The following ARMH4 variants were observed in gnomAD, a reference collection of about 807,000 sequenced individuals.
ARMH4 encodes armadillo like helical domain containing 4, also known as armadillo-like helical domain-containing protein 4.
Under a neutral mutation model 61.9 loss-of-function variants are expected in ARMH4, and 49 were observed. That is an observed-to-expected ratio of 0.79 (90% CI 0.63 to 1.00). The LOEUF is 1.00. Among genes scored for constraint, ARMH4 ranks in the 50% least tolerant of loss-of-function variants. The pLI, the probability that ARMH4 is intolerant of heterozygous loss-of-function variation, is 0.00. For synonymous variants in ARMH4, 368 were observed against 341.5 expected, an observed-to-expected ratio of 1.08 and a Z score of -0.85; for missense variants, 934 against 930.0, an observed-to-expected ratio of 1.00 and a Z score of -0.06.
chr14:58,145,955 A>G (rs1235108135), intron 1 of ARMH4, among the ~76,000 whole-genome samples: 1 of 152,258 alleles, frequency 6.6e-6, no homozygotes, highest in African/African-American at 2.4e-5. Flanking sequence ...AAAGCCCAGT[A>G]TAGGTTCATG....
chr14:58,079,945 G>A (rs1255496990), intron 5 of ARMH4, among the ~76,000 whole-genome samples: 1 of 152,038 alleles, frequency 6.6e-6, no homozygotes, highest in African/African-American at 2.4e-5. Context: ...ATCTATCTGA[G>A]TAACTGGATT....
At chr14:58,014,232 CTT>C (rs1434266856) in intron 5 of ARMH4, among the ~76,000 whole-genome samples, 1 of 152,172 alleles carries the variant, frequency 6.6e-6, no homozygotes, top group Non-Finnish European at 1.5e-5. Context: ...AGACCTCTCT[CTT>C]GTCCTTCCCT....
chr14:58,045,559 T>C (rs11626125), intron 5 of ARMH4, among the ~76,000 whole-genome samples: 3,274 of 151,394 alleles, frequency 0.022, 53 homozygotes, highest in Middle Eastern at 0.048. Context: ...CATGTATACA[T>C]ATGTAACAAA....
intron 5 of ARMH4, among the ~76,000 whole-genome samples, chr14:58,027,702 T>G (rs1883070158): frequency 6.6e-6 from 1 of 152,196 alleles, no homozygotes; most frequent in African/African-American, 2.4e-5. Context: ...AGATGTTAAG[T>G]GTTCCTACAA....
At chr14:58,079,811 A>C (rs544567766) in intron 5 of ARMH4, among the ~76,000 whole-genome samples, 143 of 152,204 alleles carry the variant, frequency 9.4e-4, no homozygotes, top group African/African-American at 2.9e-3. Flanking sequence ...TCTTTTCTAG[A>C]ATTGAACCTT....
intron 5 of ARMH4, among the ~76,000 whole-genome samples, chr14:58,077,961 T>C (rs1311991278): frequency 6.6e-6 from 1 of 152,224 alleles, no homozygotes; most frequent in East Asian, 1.9e-4. Context: ...TGTACCCATG[T>C]AGACTCAATG....
intron 5 of ARMH4, among the ~76,000 whole-genome samples, chr14:58,020,172 G>C (rs1283808355): frequency 1.3e-5 from 2 of 152,178 alleles, no homozygotes; most frequent in Non-Finnish European, 2.9e-5. Flanking sequence ...AGCTGATCTG[G>C]AATTGGAACT....
chr14:58,017,244 G>T (rs1191179726), intron 5 of ARMH4, among the ~76,000 whole-genome samples: 5 of 152,160 alleles, frequency 3.3e-5, no homozygotes, highest in African/African-American at 1.2e-4. Context: ...AGCCCAGGAG[G>T]TTGAGGCTGC....
intron 5 of ARMH4, 140 bp downstream of exon 5, chr14:58,096,584 C>T: frequency 1.2e-6 from 1 of 868,470 alleles, no homozygotes; most frequent in Non-Finnish European, 1.7e-6. Flanking sequence ...TATTCTTAAC[C>T]ACCCATAAAT....
chr14:58,127,577 A>T (rs1886943546), intron 4 of ARMH4, among the ~76,000 whole-genome samples: 1 of 152,218 alleles, frequency 6.6e-6, no homozygotes. Context: ...GGGTTGAGAC[A>T]ATATCATGGG....
chr14:58,074,710 C>A (rs965693142), intron 5 of ARMH4, among the ~76,000 whole-genome samples: 2 of 152,012 alleles, frequency 1.3e-5, no homozygotes, highest in Non-Finnish European at 2.9e-5. Context: ...GCCTCGAAAG[C>A]CCAGACAGAA....
At position 58,139,434 on chromosome 14, in the gene ARMH4, A is replaced by G. The variant is rs755863895; in HGVS notation, c.-56-20T>C. On this transcript the variant is annotated intron_variant, in intron 1 of 7. Coordinates refer to ENST00000267485, the MANE Select transcript of ARMH4 (RefSeq NM_001001872.4). ...TGAATCCTGCAGAAAAATAAAGCAT[A>G]TCAAACTGTCATATAAATACATGTT... 14 of 1,346,842 alleles carry G rather than the reference A, an allele frequency of 1.0e-5. No individual in the cohort carries two copies. The Admixed American group carries it at 2.6e-4, about 25-fold the overall frequency. 83.4% of individuals were successfully genotyped at this position (1,346,842 alleles called of 1,614,324 possible). A position where few individuals can be genotyped will look rare whatever the true frequency, so the allele number is the denominator to read the frequency against.
intron 6 of ARMH4, among the ~76,000 whole-genome samples, chr14:58,011,491 C>A (rs1882404383): frequency 6.6e-6 from 1 of 151,998 alleles, no homozygotes; most frequent in African/African-American, 2.4e-5. Flanking sequence ...CTGGCTACAA[C>A]AAGGAATTCA....
At chr14:58,011,814 C>T (rs892388502) in intron 6 of ARMH4, among the ~76,000 whole-genome samples, 1 of 149,974 alleles carries the variant, frequency 6.7e-6, no homozygotes, top group African/African-American at 2.4e-5. Context: ...CCTGAAATTC[C>T]CAAAAAGAAA....
chr14:58,085,136 T>G (rs1258279790), intron 5 of ARMH4, among the ~76,000 whole-genome samples: 1 of 152,034 alleles, frequency 6.6e-6, no homozygotes, highest in African/African-American at 2.4e-5. Flanking sequence ...CTTAATAGAG[T>G]GGACCAAGAG....
At chr14:58,043,483 A>C (rs1451131142) in intron 5 of ARMH4, among the ~76,000 whole-genome samples, 1 of 152,092 alleles carries the variant, frequency 6.6e-6, no homozygotes, top group Admixed American at 6.6e-5. Flanking sequence ...TTATGACAAA[A>C]CCACAGCCAA....
At chr14:58,052,237 ATTC>A (rs1264642511) in intron 5 of ARMH4, among the ~76,000 whole-genome samples, 6 of 152,184 alleles carry the variant, frequency 3.9e-5, no homozygotes, top group African/African-American at 1.4e-4. Flanking sequence ...TGTTCCTCTT[ATTC>A]TCATTTCCTC....
In ARMH4 at chr14:58,139,426, T is replaced by C; in HGVS notation, c.-56-12A>G. On this transcript the variant is annotated splice_polypyrimidine_tract_variant and intron_variant, in intron 1 of 7. Transcript: ENST00000267485. ...CCAGTAATTGAATCCTGCAGAAAAA[T>C]AAAGCATATCAAACTGTCATATAAA... 5 of 1,438,614 alleles carry C rather than the reference T, an allele frequency of 3.5e-6. No homozygotes were observed. Among genetic ancestry groups the C allele is most frequent in the South Asian group, 1.2e-5 (1 of 85,864 alleles). The allele number at this position is 1,438,614 out of a possible 1,614,324, so 89.1% of individuals were successfully genotyped here.
At chr14:58,061,184 C>G (rs178496) in intron 5 of ARMH4, among the ~76,000 whole-genome samples, 41,635 of 152,084 alleles carry the variant, frequency 0.27, 7,852 homozygotes, top group East Asian at 0.54. Flanking sequence ...CACCCTAGCC[C>G]TGGGCTGGCT....
Sources: gnomAD v4.1 joint callset for allele counts (sites outside exome capture counted in the v4.1 genomes callset) on GRCh38, gnomAD v4.1.1 for gene constraint, MANE v1.5 for transcripts, NCBI Gene and HGNC (gene_info 2026-07-23, HGNC 2026-07-21) for gene names.